ING4: variants seen among roughly 807,000 people sequenced by gnomAD.
The protein encoded by ING4 is inhibitor of growth protein 4.
In ING4, 28 loss-of-function variants were observed where a neutral mutation model predicts 33.1. The observed-to-expected ratio is 0.85, with a 90% CI of 0.63 to 1.16. The LOEUF (loss-of-function observed/expected upper bound fraction) is 1.16. ING4 is among the 50% of genes most tolerant of loss of function. The pLI is 0.00. For missense variants in ING4, 247 were observed against 314.7 expected (o/e 0.78, Z 1.63); for synonymous variants, 87 against 104.4 (o/e 0.83, Z 1.02).
At chr12:6,659,579 G>A (rs1408411764) in intron 1 of ING4, among the ~76,000 whole-genome samples, 4 of 152,178 alleles carry the variant, frequency 2.6e-5, no homozygotes, top group South Asian at 2.1e-4. Context: ...TTGGGTGGCC[G>A]AGGAGAGCAG....
At chr12:6,652,615 G>A (rs1422522906) in intron 5 of ING4, 47 bp downstream of exon 5, 1 of 1,546,426 alleles carries the variant, frequency 6.5e-7, no homozygotes, top group Admixed American at 1.7e-5. Context: ...TGGGGCACCG[G>A]GAGAGAAGAG....
intron 2 of ING4, among the ~76,000 whole-genome samples, chr12:6,654,747 C>T (rs534776606): frequency 1.3e-5 from 2 of 151,954 alleles, no homozygotes; most frequent in East Asian, 1.9e-4. Context: ...TGTTTTGAGA[C>T]GGAGTCACGC....
chr12:6,651,273 A>G (rs1236890123), intron 7 of ING4, 39 bp from the exon 8 acceptor site: 1 of 1,613,332 alleles, frequency 6.2e-7, no homozygotes, highest in African/African-American at 1.3e-5. Context: ...AGTGAAAGGG[A>G]GAATGCCCTT....
At chr12:6,662,989 A>G (rs375094296) in intron 1 of ING4, 76 bp downstream of exon 1, 1 of 1,477,424 alleles carries the variant, frequency 6.8e-7, no homozygotes, top group Non-Finnish European at 9.4e-7. Flanking sequence ...ACTGGAACTT[A>G]AGGGCTACAG....
chr12:6,657,801 G>A (rs147027287), intron 1 of ING4: 3,079 of 151,016 alleles, frequency 0.02, 121 homozygotes, highest in African/African-American at 0.071. Flanking sequence ...GTGGTGGCAC[G>A]TACCTGTAAT....
intron 2 of ING4, among the ~76,000 whole-genome samples, chr12:6,654,755 C>T (rs1461148232): frequency 1.3e-5 from 2 of 152,092 alleles, no homozygotes; most frequent in Non-Finnish European, 2.9e-5. Flanking sequence ...GACGGAGTCA[C>T]GCTCTGTTGC....
chr12:6,661,603 T>A (rs1266774325), intron 1 of ING4, among the ~76,000 whole-genome samples: 1 of 150,874 alleles, frequency 6.6e-6, no homozygotes, highest in Admixed American at 6.6e-5. Context: ...TTTTTTTTTT[T>A]AAAGTAGAGA....
chr12:6,660,278 G>A (rs917671729), intron 1 of ING4, among the ~76,000 whole-genome samples: 20 of 151,588 alleles, frequency 1.3e-4, no homozygotes, highest in Non-Finnish European at 2.4e-4. Flanking sequence ...TGGGCAATAT[G>A]GCCAGATCCT....
At chr12:6,659,001 T>TA (rs1490882877) in intron 1 of ING4, among the ~76,000 whole-genome samples, 1 of 152,226 alleles carries the variant, frequency 6.6e-6, no homozygotes, top group Non-Finnish European at 1.5e-5. Context: ...CTTGGCCTAT[T>TA]AAATTCCTGT....
At chr12:6,662,944 C>G in intron 1 of ING4, 121 bp downstream of exon 1, 4 of 1,113,460 alleles carry the variant, frequency 3.6e-6, no homozygotes, top group Non-Finnish European at 5.3e-6. Flanking sequence ...ATATTTCCTG[C>G]CACAGAACCG....
Position 6,652,754 on chromosome 12 carries a change from CT to C in ING4, c.404del (p.Lys135ArgfsTer27). The C allele has an allele frequency of 6.2e-7, 1 of 1,614,100 alleles. No homozygotes were observed. Among genetic ancestry groups the C allele is most frequent in the East Asian group, 2.2e-5 (1 of 44,874 alleles). On this transcript the variant is annotated frameshift_variant, in exon 5 of 8. Coordinates refer to ENST00000341550, the MANE Select transcript of ING4 (RefSeq NM_016162.4). LOFTEE classifies it high-confidence loss of function. ...AACGAGCACGAGCAGCTTTCTTCTCCTTTTGAGTCCGGCCTTCTAGGGAAGA... is the reference window on the plus strand; with the variant it reads ...AACGAGCACGAGCAGCTTTCTTCTCCTTTGAGTCCGGCCTTCTAGGGAAGA... ...SSKGKKSRTQ[K>X]EKKAARARSK...
chr12:6,658,987 C>T (rs1202782305), intron 1 of ING4, among the ~76,000 whole-genome samples: 2 of 152,250 alleles, frequency 1.3e-5, no homozygotes, highest in African/African-American at 4.8e-5. Flanking sequence ...TCCACCCCAT[C>T]CCTCTTGGCC....
chr12:6,651,840 C>A (rs1329475399), intron 6 of ING4, among the ~76,000 whole-genome samples: 1 of 143,562 alleles, frequency 7.0e-6, no homozygotes, highest in Non-Finnish European at 1.5e-5. Context: ...CAGCGCCAGG[C>A]TTTCAGGCTT....
chr12:6,652,908 A>C (rs1354836491), intron 4 of ING4, 28 bp downstream of exon 4: 1 of 1,590,488 alleles, frequency 6.3e-7, no homozygotes. Flanking sequence ...TCCTCGCCCC[A>C]CCTCTCACAG....
chr12:6,655,717 C>T, intron 2 of ING4: 9 of 566,252 alleles, frequency 1.6e-5, no homozygotes, highest in South Asian at 3.8e-5. Flanking sequence ...CTCAGAGTAA[C>T]TTAAGACACA....
At chr12:6,651,511 C>A in intron 6 of ING4, 126 bp from the exon 7 acceptor site, 2 of 741,982 alleles carry the variant, frequency 2.7e-6, no homozygotes, top group African/African-American at 1.8e-5. Context: ...TTGGAAGTCC[C>A]AAGGCCAACC....
chr12:6,658,685 CA>C (rs1949450187), intron 1 of ING4, among the ~76,000 whole-genome samples: 1 of 151,958 alleles, frequency 6.6e-6, no homozygotes, highest in African/African-American at 2.4e-5. Context: ...GACACTGACT[CA>C]AAAAAACAAA....
In ING4 at chr12:6,651,083, A is replaced by G; in HGVS notation, c.*112T>C. ...AGAGGGGAGGAGAAGGGATGACAGCACTGTGCCATCCACTCCTCCCTGAAC... is the reference window on the plus strand; with the variant it reads ...AGAGGGGAGGAGAAGGGATGACAGCGCTGTGCCATCCACTCCTCCCTGAAC... On this transcript the variant is annotated 3_prime_UTR_variant, in exon 8 of 8. Coordinates refer to ENST00000341550, the MANE Select transcript of ING4 (RefSeq NM_016162.4). 2 of 1,164,642 alleles carry G rather than the reference A, an allele frequency of 1.7e-6. No individual in the cohort carries two copies. Among genetic ancestry groups the G allele is most frequent in the South Asian group, 1.3e-5 (1 of 77,848 alleles). The allele number at this position is 1,164,642 out of a possible 1,614,324, so 72.1% of individuals were successfully genotyped here. A position where few individuals can be genotyped will look rare whatever the true frequency, so the allele number is the denominator to read the frequency against.
chr12:6,650,419 G>C lies in ING4; in HGVS notation c.*776C>G, dbSNP rs1038325334. The C allele has an allele frequency of 2.6e-5, 4 of 152,446 alleles. No homozygotes were observed. Among genetic ancestry groups the C allele is most frequent in the Non-Finnish European group, 4.4e-5 (3 of 68,046 alleles). The allele number at this position is 152,446 out of a possible 1,614,324, so 9.4% of individuals were successfully genotyped here. A position where few individuals can be genotyped will look rare whatever the true frequency, so the allele number is the denominator to read the frequency against. ...CTGAGGCCTACCCTCCAGCACCTCT[G>C]TCTTTCCCAAGTTGAGAACTTACAA... On this transcript the variant is annotated 3_prime_UTR_variant, in exon 8 of 8. Transcript: ENST00000341550.
Sources: gnomAD v4.1 joint callset for allele counts (sites outside exome capture counted in the v4.1 genomes callset) on GRCh38, gnomAD v4.1.1 for gene constraint, MANE v1.5 for transcripts, NCBI Gene and HGNC (gene_info 2026-07-23, HGNC 2026-07-21) for gene names.